Variants in SPINT2 observed in about 807,000 individuals in gnomAD.
SPINT2 encodes serine peptidase inhibitor, Kunitz type 2.
In SPINT2, 18 loss-of-function variants were observed where a neutral mutation model predicts 30.1. That is an observed-to-expected ratio of 0.60 (90% CI 0.41 to 0.89). SPINT2 has a LOEUF of 0.89. SPINT2 is among the 40% of genes least tolerant of loss of function. The pLI is 0.00. For missense variants in SPINT2, 276 were observed against 334.3 expected, an observed-to-expected ratio of 0.83 and a Z score of 1.36; for synonymous variants, 139 against 137.9, an observed-to-expected ratio of 1.01 and a Z score of -0.05.
intron 1 of SPINT2, among the ~76,000 whole-genome samples, chr19:38,277,001 C>G (rs1393845406): frequency 1.3e-5 from 2 of 151,622 alleles, no homozygotes; most frequent in African/African-American, 2.4e-5. Flanking sequence ...GGGGTTTCAC[C>G]ATATTGGCCA....
At chr19:38,289,677 C>T (rs567570758) in intron 4 of SPINT2, 80 of 272,476 alleles carry the variant, frequency 2.9e-4, no homozygotes, top group Non-Finnish European at 4.8e-4. Flanking sequence ...ACGTGGATGC[C>T]GCCAGCAGTG....
intron 3 of SPINT2, chr19:38,288,536 CG>C (rs1968671611): frequency 5.0e-6 from 1 of 199,664 alleles, no homozygotes; most frequent in African/African-American, 2.3e-5. Context: ...AATGCACCCT[CG>C]GGGCAGACCT....
chr19:38,266,561 G>T (rs1205076620), intron 1 of SPINT2, among the ~76,000 whole-genome samples: 1 of 151,900 alleles, frequency 6.6e-6, no homozygotes, highest in Non-Finnish European at 1.5e-5. Flanking sequence ...CTGTAGTCCC[G>T]GCTACTCGGG....
Position 38,292,159 on chromosome 19 carries a change from G to C in SPINT2, c.*153G>C. Reference sequence around the variant, plus strand: ...GCTGCTTCCTGGTCTGGCAGGGATGGGTTTGCTTTGGAAATCCTCTAGGAG... The same window carrying C: ...GCTGCTTCCTGGTCTGGCAGGGATGCGTTTGCTTTGGAAATCCTCTAGGAG... On this transcript the variant is annotated 3_prime_UTR_variant, in exon 7 of 7. Transcript: ENST00000301244. 9.0e-7 allele frequency: 1 copy of C among 1,108,792 alleles called. No individual in the cohort carries two copies. The highest frequency in any genetic ancestry group is 1.3e-6 in the Non-Finnish European group (1 of 774,780). 68.7% of individuals were successfully genotyped at this position (1,108,792 alleles called of 1,614,324 possible). A position where few individuals can be genotyped will look rare whatever the true frequency, so the allele number is the denominator to read the frequency against.
intron 1 of SPINT2, among the ~76,000 whole-genome samples, chr19:38,279,234 C>T (rs1261121635): frequency 1.3e-5 from 2 of 150,798 alleles, no homozygotes; most frequent in Non-Finnish European, 2.9e-5. Flanking sequence ...TGCGGTGGCT[C>T]GTGCCTGTAA....
At chr19:38,274,035 A>G (rs536980881) in intron 1 of SPINT2, among the ~76,000 whole-genome samples, 1 of 152,192 alleles carries the variant, frequency 6.6e-6, no homozygotes, top group Admixed American at 6.5e-5. Flanking sequence ...CTTCAATACT[A>G]GTCTGGGCAA....
At chr19:38,271,489 C>CAA (rs759555989) in intron 1 of SPINT2, among the ~76,000 whole-genome samples, 12 of 133,294 alleles carry the variant, frequency 9.0e-5, no homozygotes, top group Non-Finnish European at 1.6e-4. Context: ...AAGACTCTCT[C>CAA]AAAAAAAAAA....
At chr19:38,281,256 T>C (rs1968578344) in intron 1 of SPINT2, among the ~76,000 whole-genome samples, 1 of 152,056 alleles carries the variant, frequency 6.6e-6, no homozygotes, top group Non-Finnish European at 1.5e-5. Flanking sequence ...GGACAAAAGG[T>C]GCCCCTATTT....
chr19:38,291,587 T>TACTCTGCTGGCGACACGGCC (rs1968719334), intron 6 of SPINT2: 1 of 517,264 alleles, frequency 1.9e-6, no homozygotes, highest in South Asian at 2.4e-5. Flanking sequence ...CACAGATGAC[T>TACTCTGCTGGCGACACGGCC]ACTCTGCTGG....
intron 3 of SPINT2, chr19:38,288,369 G>C (rs1232505676): frequency 9.9e-6 from 3 of 303,560 alleles, no homozygotes; most frequent in East Asian, 1.7e-4. Flanking sequence ...TCTGTCCTCT[G>C]CCACCCCCGC....
chr19:38,275,870 G>A (rs946778843), intron 1 of SPINT2, among the ~76,000 whole-genome samples: 3 of 151,724 alleles, frequency 2.0e-5, no homozygotes, highest in Non-Finnish European at 4.4e-5. Context: ...TGGGATTACA[G>A]GCATGCACCA....
chr19:38,291,723 G>A (rs760151878), intron 6 of SPINT2, 117 bp from the exon 7 acceptor site: 88 of 1,271,500 alleles, frequency 6.9e-5, no homozygotes, highest in Non-Finnish European at 9.2e-5. Flanking sequence ...CTGGGTTGGG[G>A]AGGGGCATTT....
At chr19:38,289,935 C>A (rs1447080471) in intron 4 of SPINT2, 184 bp from the exon 5 acceptor site, 3 of 688,912 alleles carry the variant, frequency 4.4e-6, no homozygotes, top group Non-Finnish European at 5.0e-6. Context: ...GAAGCCGTCA[C>A]CTGGACCCAA....
rs764148964 is a variant in SPINT2 at position 38,290,606 on chromosome 19, C to G, written c.592+31C>G. The G allele has an allele frequency of 1.2e-6, 2 of 1,611,358 alleles. No individual in the cohort carries two copies. The highest frequency in any genetic ancestry group is 1.7e-5 in the Admixed American group (1 of 59,706). On this transcript the variant is annotated intron_variant, in intron 6 of 6. Transcript: ENST00000301244. This position sits in a 1 kb window ranked among gnomAD's most constrained non-coding sequence, Gnocchi z 4.3. Reference sequence around the variant, plus strand: ...TGGCCCCTTACCCTCCTCCTGCCATCAGCCTGCCTCCTCCCTTCCTTGACT... The same window carrying G: ...TGGCCCCTTACCCTCCTCCTGCCATGAGCCTGCCTCCTCCCTTCCTTGACT...
At position 38,290,099 on chromosome 19, in the gene SPINT2, C is replaced by T. The variant is rs917470537; in HGVS notation, c.392-20C>T. 1.9e-6 allele frequency: 3 copies of T among 1,612,148 alleles called. No homozygotes were observed. The highest frequency in any genetic ancestry group is 2.5e-6 in the Non-Finnish European group (3 of 1,180,024). On this transcript the variant is annotated intron_variant, in intron 4 of 6. Coordinates refer to ENST00000301244, the MANE Select transcript of SPINT2 (RefSeq NM_021102.4). The surrounding 1 kb of genome is among the most constrained non-coding windows in gnomAD (Gnocchi z 4.3). The stretch of plus-strand genomic sequence containing the variant: ...TGCGGGCCCTACTAATTTGTATTCC[C>T]TGGGCTGTCTTACTCCTAGAATACT...
chr19:38,284,301 C>T (rs985506198), intron 2 of SPINT2, among the ~76,000 whole-genome samples: 7 of 152,084 alleles, frequency 4.6e-5, no homozygotes, highest in Non-Finnish European at 4.4e-5. Flanking sequence ...CCCTATGTTA[C>T]CCAGGCTGGT....
At chr19:38,277,883 A>C (rs551349163) in intron 1 of SPINT2, among the ~76,000 whole-genome samples, 1 of 152,312 alleles carries the variant, frequency 6.6e-6, no homozygotes, top group East Asian at 1.9e-4. Context: ...TTATGAGTTC[A>C]TCCAAATTTG....
chr19:38,267,214 C>T (rs549500162), intron 1 of SPINT2, among the ~76,000 whole-genome samples: 5 of 152,320 alleles, frequency 3.3e-5, no homozygotes, highest in South Asian at 2.1e-4. Flanking sequence ...CCTCACTCAT[C>T]GTAAGTTCTG....
At chr19:38,272,752 C>CT in intron 1 of SPINT2, among the ~76,000 whole-genome samples, 1 of 152,274 alleles carries the variant, frequency 6.6e-6, no homozygotes. Flanking sequence ...TATGGAGTCT[C>CT]TGTCGCCCAG....
Sources: gnomAD v4.1 joint callset for allele counts (sites outside exome capture counted in the v4.1 genomes callset) on GRCh38, gnomAD v4.1.1 for gene constraint, Gnocchi (gnomAD v3.1) non-coding constraint, MANE v1.5 for transcripts, NCBI Gene and HGNC (gene_info 2026-07-23, HGNC 2026-07-21) for gene names.